LUZP2: variants seen among roughly 807,000 people sequenced by gnomAD.
LUZP2 encodes leucine zipper protein 2.
In LUZP2, 52 loss-of-function variants were observed where a neutral mutation model predicts 51.6. The observed-to-expected ratio is 1.01, with a 90% confidence interval of 0.81 to 1.27. LUZP2 has a LOEUF of 1.27. Among genes scored for constraint, LUZP2 ranks in the 50% most tolerant of loss-of-function variants. The pLI is 0.00. For synonymous variants in LUZP2, 154 were observed against 137.3 expected (o/e 1.12, Z -0.85); for missense variants, 436 against 395.4 (o/e 1.10, Z -0.87).
At chr11:25,006,568 G>T (rs1856839434) in intron 9 of LUZP2, among the ~76,000 whole-genome samples, 1 of 152,146 alleles carries the variant, frequency 6.6e-6, no homozygotes, top group Admixed American at 6.5e-5. Flanking sequence ...CTTTAGTCCA[G>T]CGGCCACACT....
intron 1 of LUZP2, among the ~76,000 whole-genome samples, chr11:24,606,752 G>A (rs1370451043): frequency 6.6e-6 from 1 of 151,894 alleles, no homozygotes; most frequent in Non-Finnish European, 1.5e-5. Flanking sequence ...GATTATACCA[G>A]TTTACACTTC....
rs924136949 is a variant in LUZP2, at chr11:24,556,059, T to G, written c.62+58754T>G. On this transcript the variant is annotated intron_variant, in intron 1 of 11. Coordinates refer to ENST00000336930, the MANE Select transcript of LUZP2 (RefSeq NM_001009909.4). Reference sequence around the variant, plus strand: ...TATGGGTGATTCACCTACCAGTTTGTATAATGTTTTTTAGTCTCTATATGA... The same window carrying G: ...TATGGGTGATTCACCTACCAGTTTGGATAATGTTTTTTAGTCTCTATATGA... 7.9e-5 allele frequency among the ~76,000 whole-genome samples: 12 copies of G among 152,180 alleles called. No homozygotes were observed. In the South Asian group the frequency reaches 8.3e-4, roughly 10 times the overall value.
intron 5 of LUZP2, among the ~76,000 whole-genome samples, chr11:24,814,080 A>G (rs895758003): frequency 6.6e-6 from 1 of 152,218 alleles, no homozygotes; most frequent in Non-Finnish European, 1.5e-5. Context: ...CCCATTTCCA[A>G]TTCAACATTT....
At chr11:24,908,811 A>C (rs1272977069) in intron 6 of LUZP2, among the ~76,000 whole-genome samples, 2 of 145,616 alleles carry the variant, frequency 1.4e-5, no homozygotes, top group African/African-American at 2.6e-5. Context: ...GCTGGAGTGC[A>C]GTGGCACGAT....
intron 4 of LUZP2, among the ~76,000 whole-genome samples, chr11:24,741,894 CAT>C (rs947028316): frequency 7.6e-5 from 9 of 118,734 alleles, no homozygotes; most frequent in South Asian, 2.4e-4. Context: ...TATTTATATA[CAT>C]ATATATTTCT....
intron 7 of LUZP2, among the ~76,000 whole-genome samples, chr11:24,922,862 T>TAGAGGGAG: frequency 9.1e-6 from 1 of 110,260 alleles, no homozygotes; most frequent in Non-Finnish European, 1.8e-5. Context: ...TTTTTTTTTT[T>TAGAGGGAG]TTTTTAGAGG....
intron 5 of LUZP2, chr11:24,892,944 T>G (rs964083663): frequency 1.2e-4 from 18 of 152,228 alleles, no homozygotes; most frequent in Admixed American, 8.5e-4. Context: ...CCACTGGTTT[T>G]CAAGAGTCCC....
rs34461857 is a variant in LUZP2 at position 24,857,290 on chromosome 11, CATAT to C, written c.397-48691_397-48688del. On this transcript the variant is annotated intron_variant, in intron 5 of 11. Transcript: ENST00000336930. ...TCATGGGGATATATATATATATATACATATATATATATACATATATATACACACA... is the reference window on the plus strand; with the variant it reads ...TCATGGGGATATATATATATATATACATATATATACATATATATACACACA... Among the ~76,000 whole-genome samples the C allele has an allele frequency of 2.5e-5, 3 of 117,840 alleles. No homozygotes were observed. The East Asian group carries it at 6.6e-4, about 26-fold the overall frequency. 77.3% of individuals were successfully genotyped at this position (117,840 alleles called of 152,430 possible).
chr11:24,540,306 C>G (rs1223969905), intron 1 of LUZP2, among the ~76,000 whole-genome samples: 1 of 152,074 alleles, frequency 6.6e-6, no homozygotes, highest in South Asian at 2.1e-4. Context: ...CTTATTGAAA[C>G]TCTATCCCTC....
chr11:24,500,605 C>T (rs1444139762), intron 1 of LUZP2, among the ~76,000 whole-genome samples: 1 of 152,128 alleles, frequency 6.6e-6, no homozygotes, highest in Non-Finnish European at 1.5e-5. Context: ...GGAGAAGGCT[C>T]ATGCTTTATT....
intron 5 of LUZP2, among the ~76,000 whole-genome samples, chr11:24,833,323 CA>C (rs1252478860): frequency 6.6e-6 from 1 of 152,060 alleles, no homozygotes; most frequent in Non-Finnish European, 1.5e-5. Context: ...TAATATTCAC[CA>C]AAACAACTGG....
intron 1 of LUZP2, among the ~76,000 whole-genome samples, chr11:24,516,720 G>T (rs1212511426): frequency 6.6e-6 from 1 of 152,178 alleles, no homozygotes; most frequent in African/African-American, 2.4e-5. Context: ...TCCTGGTGCT[G>T]TGTAGTCATT....
intron 1 of LUZP2, among the ~76,000 whole-genome samples, chr11:24,562,178 A>G (rs1852061718): frequency 6.6e-6 from 1 of 152,116 alleles, no homozygotes; most frequent in Non-Finnish European, 1.5e-5. Context: ...AGAAAAAATT[A>G]AAAATATAAA....
chr11:24,696,526 T>G (rs1447936697), intron 1 of LUZP2, among the ~76,000 whole-genome samples: 3 of 152,132 alleles, frequency 2.0e-5, no homozygotes, highest in Non-Finnish European at 4.4e-5. Context: ...CATATAATTT[T>G]ATTTCTCATT....
chr11:24,602,008 G>GTATATATGTATATATA (rs1205103554), intron 1 of LUZP2, among the ~76,000 whole-genome samples: 8 of 138,832 alleles, frequency 5.8e-5, no homozygotes, highest in Admixed American at 2.2e-4. Flanking sequence ...GTATATATAT[G>GTATATATGTATATATA]TATATATGTA....
At chr11:25,064,754 T>C (rs1858950629) in intron 10 of LUZP2, among the ~76,000 whole-genome samples, 1 of 152,022 alleles carries the variant, frequency 6.6e-6, no homozygotes, top group Non-Finnish European at 1.5e-5. Flanking sequence ...TTTCCCAATC[T>C]GCTCTCTCTC....
chr11:24,531,571 G>A (rs542743376), intron 1 of LUZP2, among the ~76,000 whole-genome samples: 1 of 150,758 alleles, frequency 6.6e-6, no homozygotes, highest in Admixed American at 6.6e-5. Context: ...GCCCACCTCT[G>A]GCTAACCTCC....
intron 9 of LUZP2, among the ~76,000 whole-genome samples, chr11:25,007,532 G>C (rs1170877356): frequency 6.6e-6 from 1 of 152,134 alleles, no homozygotes. Flanking sequence ...GAACCTGGGA[G>C]GTAAAGGTTG....
intron 1 of LUZP2, among the ~76,000 whole-genome samples, chr11:24,520,653 A>G (rs1056522763): frequency 1.3e-5 from 2 of 152,236 alleles, no homozygotes; most frequent in Admixed American, 1.3e-4. Flanking sequence ...ACAATGAAGC[A>G]TAGGCCAGCA....
Sources: allele counts gnomAD v4.1 joint callset (sites outside exome capture counted in the v4.1 genomes callset), GRCh38; gene constraint gnomAD v4.1.1; transcripts MANE v1.5; gene names NCBI Gene and HGNC (gene_info 2026-07-23, HGNC 2026-07-21).